MMP16: variants seen among roughly 807,000 people sequenced by gnomAD.
MMP16 encodes the protein matrix metalloproteinase-16.
In MMP16, 12 loss-of-function variants were observed where a neutral mutation model predicts 67.8. The ratio of observed to expected loss-of-function variants is 0.18; its 90% CI spans 0.11 to 0.29. MMP16 has a LOEUF of 0.29. MMP16 is among the 10% of genes least tolerant of loss of function. The pLI is 1.00. For synonymous variants in MMP16, 249 were observed against 255.9 expected (o/e 0.97, Z 0.26); for missense variants, 475 against 765.7 (o/e 0.62, Z 4.48).
rs565102827 is a variant in MMP16 at position 88,305,674 on chromosome 8, C to T, written c.132+21401G>A. Reference sequence around the variant, plus strand: ...AATTACATGGAAATTGAATAACCTGCTCCTGAATGACTTTGGGGTAAATAA... The same window carrying T: ...AATTACATGGAAATTGAATAACCTGTTCCTGAATGACTTTGGGGTAAATAA... On this transcript the variant is annotated intron_variant, in intron 1 of 9. Coordinates refer to ENST00000286614, the MANE Select transcript of MMP16 (RefSeq NM_005941.5). Among the ~76,000 whole-genome samples the T allele has an allele frequency of 1.4e-4, 22 of 152,266 alleles. No homozygotes were observed. The South Asian group carries it at 4.6e-3, about 32-fold the overall frequency.
At chr8:88,170,710 G>T (rs1432710114) in intron 3 of MMP16, among the ~76,000 whole-genome samples, 1 of 152,134 alleles carries the variant, frequency 6.6e-6, no homozygotes, top group Non-Finnish European at 1.5e-5. Flanking sequence ...GGAGTTCAAT[G>T]GCAGAAGGAG....
chr8:88,145,015 T>A (rs986732262), intron 4 of MMP16, among the ~76,000 whole-genome samples: 2 of 152,024 alleles, frequency 1.3e-5, no homozygotes, highest in Non-Finnish European at 2.9e-5. Flanking sequence ...AATAATCTAA[T>A]TTAAATAAAA....
At chr8:88,248,857 T>C (rs1391260442) in intron 1 of MMP16, among the ~76,000 whole-genome samples, 1 of 152,056 alleles carries the variant, frequency 6.6e-6, no homozygotes, top group Non-Finnish European at 1.5e-5. Flanking sequence ...TTCCCAATTT[T>C]ACTGCAGATA....
At chr8:88,255,283 A>G (rs1810283997) in intron 1 of MMP16, among the ~76,000 whole-genome samples, 1 of 152,126 alleles carries the variant, frequency 6.6e-6, no homozygotes, top group African/African-American at 2.4e-5. Flanking sequence ...TCACCATGTA[A>G]TACACCAGAT....
In MMP16 at chr8:88,046,660, G is replaced by T; in HGVS notation, c.1489+9C>A. On this transcript the variant is annotated intron_variant, in intron 9 of 9. Coordinates refer to ENST00000286614, the MANE Select transcript of MMP16 (RefSeq NM_005941.5). Reference sequence around the variant, plus strand: ...AACTTATGAAATGTAGAAAGCACATGTTGCATACCATTTTCTTTGTGTACA... The same window carrying T: ...AACTTATGAAATGTAGAAAGCACATTTTGCATACCATTTTCTTTGTGTACA... 2 of 1,526,986 alleles carry T rather than the reference G, an allele frequency of 1.3e-6. No individual in the cohort carries two copies. The highest frequency in any genetic ancestry group is 1.8e-6 in the Non-Finnish European group (2 of 1,119,760). The allele number at this position is 1,526,986 out of a possible 1,614,324, so 94.6% of individuals were successfully genotyped here.
At chr8:88,261,856 C>T (rs2129949994) in intron 1 of MMP16, among the ~76,000 whole-genome samples, 1 of 152,012 alleles carries the variant, frequency 6.6e-6, no homozygotes, top group South Asian at 2.1e-4. Flanking sequence ...ATGCACTGGG[C>T]ACTGCACTTA....
chr8:88,198,790 C>T (rs1023439580), intron 1 of MMP16, among the ~76,000 whole-genome samples: 2 of 151,872 alleles, frequency 1.3e-5, no homozygotes, highest in Non-Finnish European at 2.9e-5. Context: ...ATTAGTGAAA[C>T]CTAATCTAGT....
At chr8:88,191,669 A>C (rs534334539) in intron 2 of MMP16, among the ~76,000 whole-genome samples, 12 of 152,346 alleles carry the variant, frequency 7.9e-5, no homozygotes, top group African/African-American at 2.9e-4. Flanking sequence ...ACACACACAC[A>C]GACACACACA....
intron 6 of MMP16, among the ~76,000 whole-genome samples, chr8:88,079,482 G>A (rs1203690590): frequency 6.6e-6 from 1 of 152,046 alleles, no homozygotes; most frequent in Non-Finnish European, 1.5e-5. Flanking sequence ...GCATCCACTG[G>A]GGGTCCTGGA....
intron 4 of MMP16, among the ~76,000 whole-genome samples, chr8:88,162,890 CTG>C (rs1563550753): frequency 1.3e-5 from 2 of 152,062 alleles, no homozygotes; most frequent in Admixed American, 6.6e-5. Flanking sequence ...GCATGTAGAA[CTG>C]TGAGTCAATT....
chr8:88,215,173 C>A (rs952976191), intron 1 of MMP16, among the ~76,000 whole-genome samples: 4 of 151,814 alleles, frequency 2.6e-5, no homozygotes, highest in East Asian at 1.9e-4. Flanking sequence ...AAAACACACA[C>A]AAAAAAATTA....
chr8:88,112,085 G>C (rs1025590417), intron 6 of MMP16, among the ~76,000 whole-genome samples: 4 of 151,542 alleles, frequency 2.6e-5, no homozygotes, highest in African/African-American at 9.7e-5. Context: ...ACTGTTCCAC[G>C]ACAGCTTTGC....
At chr8:88,105,373 T>C (rs2118392702) in intron 6 of MMP16, among the ~76,000 whole-genome samples, 1 of 151,668 alleles carries the variant, frequency 6.6e-6, no homozygotes, top group African/African-American at 2.4e-5. Context: ...ATGCACATTC[T>C]CCTGTTTGTT....
At chr8:88,120,581 C>T (rs894170143) in intron 4 of MMP16, among the ~76,000 whole-genome samples, 2 of 151,774 alleles carry the variant, frequency 1.3e-5, no homozygotes, top group Non-Finnish European at 2.9e-5. Flanking sequence ...TCACCAAGAG[C>T]AGACTGAATG....
chr8:88,279,635 T>C (rs1018589199), intron 1 of MMP16, among the ~76,000 whole-genome samples: 1 of 152,184 alleles, frequency 6.6e-6, no homozygotes, highest in Non-Finnish European at 1.5e-5. Flanking sequence ...GGGACCTAAC[T>C]AACTACTGTC....
chr8:88,273,046 AG>A (rs1810591115), intron 1 of MMP16, among the ~76,000 whole-genome samples: 2 of 151,614 alleles, frequency 1.3e-5, no homozygotes, highest in South Asian at 4.2e-4. Context: ...AAAAAAAAAA[AG>A]GTATCCTTCT....
At chr8:88,060,597 C>T (rs1034748090) in intron 7 of MMP16, among the ~76,000 whole-genome samples, 8 of 152,058 alleles carry the variant, frequency 5.3e-5, no homozygotes, top group Non-Finnish European at 1.0e-4. Flanking sequence ...TAGCTTAGCA[C>T]GATTTCTCTG....
At chr8:88,290,333 A>C (rs902552341) in intron 1 of MMP16, among the ~76,000 whole-genome samples, 1 of 152,074 alleles carries the variant, frequency 6.6e-6, no homozygotes, top group Non-Finnish European at 1.5e-5. Context: ...CGGGTGGATC[A>C]CGAGATCAGG....
chr8:88,202,048 C>A (rs1464992981), intron 1 of MMP16, among the ~76,000 whole-genome samples: 1 of 152,118 alleles, frequency 6.6e-6, no homozygotes, highest in Admixed American at 6.6e-5. Flanking sequence ...CAGAAATTAG[C>A]CTTTTTCTTC....
Sources: allele counts gnomAD v4.1 joint callset (sites outside exome capture counted in the v4.1 genomes callset), GRCh38; gene constraint gnomAD v4.1.1; transcripts MANE v1.5; gene names NCBI Gene and HGNC (gene_info 2026-07-23, HGNC 2026-07-21).